Variants in MGAT5 observed in about 807,000 individuals in gnomAD.
MGAT5 encodes the protein alpha-1,6-mannosylglycoprotein 6-beta-N-acetylglucosaminyltransferase A.
A neutral mutation model predicts 94.3 loss-of-function variants in MGAT5; 30 were observed. The ratio of observed to expected loss-of-function variants is 0.32; its 90% CI spans 0.24 to 0.43. MGAT5 has a LOEUF of 0.43. Ranked by LOEUF, MGAT5 falls within the 20% of genes least tolerant of loss-of-function variation. MGAT5 has a pLI of 1.00. For missense variants in MGAT5, 691 were observed against 905.5 expected (o/e 0.76, Z 3.04); for synonymous variants, 310 against 322.9 (o/e 0.96, Z 0.43).
chr2:134,375,974 A>G (rs1308291337), intron 10 of MGAT5, among the ~76,000 whole-genome samples: 1 of 152,192 alleles, frequency 6.6e-6, no homozygotes, highest in African/African-American at 2.4e-5. Flanking sequence ...GGTTGTCCCC[A>G]GGCACTCCAG....
At chr2:134,149,624 A>T (rs575422073) in intron 1 of MGAT5, among the ~76,000 whole-genome samples, 1 of 152,396 alleles carries the variant, frequency 6.6e-6, no homozygotes, top group East Asian at 1.9e-4. Flanking sequence ...CCACATGCTT[A>T]TAGACCCACA....
chr2:134,255,203 T>C (rs1028277050), intron 1 of MGAT5, among the ~76,000 whole-genome samples: 2 of 152,296 alleles, frequency 1.3e-5, no homozygotes, highest in African/African-American at 4.8e-5. Flanking sequence ...TGCCCTCACT[T>C]TGAAAGGAAT....
chr2:134,398,943 G>A (rs1229100910), intron 10 of MGAT5, among the ~76,000 whole-genome samples: 1 of 152,182 alleles, frequency 6.6e-6, no homozygotes, highest in African/African-American at 2.4e-5. Flanking sequence ...AGAGTAGTGA[G>A]TTAATGTGCA....
At chr2:134,402,214 A>G (rs182199311) in intron 10 of MGAT5, among the ~76,000 whole-genome samples, 20 of 152,320 alleles carry the variant, frequency 1.3e-4, no homozygotes, top group African/African-American at 4.8e-4. Flanking sequence ...AAAAAAGGTG[A>G]ACTTGCTTCC....
At chr2:134,122,638 C>T (rs189130307) in intron 1 of MGAT5, among the ~76,000 whole-genome samples, 11 of 152,316 alleles carry the variant, frequency 7.2e-5, no homozygotes, top group African/African-American at 2.2e-4. Flanking sequence ...TGGCATTTGC[C>T]TCTGCTGGGG....
chr2:134,332,445 G>C (rs1688034953), intron 4 of MGAT5, among the ~76,000 whole-genome samples: 1 of 152,070 alleles, frequency 6.6e-6, no homozygotes. Context: ...ATTCAAGATG[G>C]ATTAAAGACT....
intron 11 of MGAT5, among the ~76,000 whole-genome samples, chr2:134,404,357 G>A (rs1243927194): frequency 6.6e-6 from 1 of 152,220 alleles, no homozygotes; most frequent in Admixed American, 6.5e-5. Flanking sequence ...TATAAAAAGT[G>A]TATTCACATA....
intron 13 of MGAT5, among the ~76,000 whole-genome samples, chr2:134,424,758 G>A (rs190672774): frequency 2.0e-5 from 3 of 152,284 alleles, no homozygotes; most frequent in Non-Finnish European, 4.4e-5. Context: ...GCCCACCCCC[G>A]AAGTCTCTAG....
At chr2:134,189,611 T>TTTTTTTTTTTGTTTG (rs1558978227) in intron 1 of MGAT5, among the ~76,000 whole-genome samples, 11 of 135,390 alleles carry the variant, frequency 8.1e-5, no homozygotes, top group Non-Finnish European at 1.7e-4. Flanking sequence ...TGTTTTTTTT[T>TTTTTTTTTTTGTTTG]TTTTTTTTTA....
At chr2:134,427,297 C>CATA (rs1347675025) in intron 13 of MGAT5, among the ~76,000 whole-genome samples, 1 of 152,168 alleles carries the variant, frequency 6.6e-6, no homozygotes, top group Non-Finnish European at 1.5e-5. Flanking sequence ...CAATAATAGA[C>CATA]TATATTGCTG....
intron 1 of MGAT5, among the ~76,000 whole-genome samples, chr2:134,229,982 C>T (rs996118120): frequency 6.6e-6 from 1 of 152,192 alleles, no homozygotes; most frequent in Non-Finnish European, 1.5e-5. Context: ...TAGCACTTTA[C>T]ATCTGTTAGG....
chr2:134,151,812 T>TG, intron 1 of MGAT5, among the ~76,000 whole-genome samples: 1 of 109,844 alleles, frequency 9.1e-6, no homozygotes, highest in Middle Eastern at 6.8e-3. Flanking sequence ...TATGGGAGCC[T>TG]CCCACTGCCA....
At chr2:134,295,541 G>A (rs1685620794) in intron 2 of MGAT5, among the ~76,000 whole-genome samples, 1 of 152,180 alleles carries the variant, frequency 6.6e-6, no homozygotes, top group South Asian at 2.1e-4. Context: ...TTAGTAGGGA[G>A]TTTTGTTGTC....
At chr2:134,281,258 G>A (rs1019101501) in intron 2 of MGAT5, among the ~76,000 whole-genome samples, 10 of 152,130 alleles carry the variant, frequency 6.6e-5, no homozygotes, top group African/African-American at 1.2e-4. Flanking sequence ...GATTAATACC[G>A]TGTTACAAAG....
At chr2:134,316,099 C>A (rs1686981970) in intron 2 of MGAT5, among the ~76,000 whole-genome samples, 1 of 152,116 alleles carries the variant, frequency 6.6e-6, no homozygotes, top group South Asian at 2.1e-4. Context: ...CCAGACATTT[C>A]TGGAAAATAT....
At chr2:134,318,217 G>A (rs376491785) in intron 3 of MGAT5, among the ~76,000 whole-genome samples, 2 of 152,146 alleles carry the variant, frequency 1.3e-5, no homozygotes, top group East Asian at 3.9e-4. Context: ...TGGTATCCAT[G>A]TGGGCCGTCC....
intron 12 of MGAT5, among the ~76,000 whole-genome samples, chr2:134,416,599 G>C (rs1429522104): frequency 6.6e-6 from 1 of 151,400 alleles, no homozygotes; most frequent in African/African-American, 2.4e-5. Context: ...AGCCTCCTGA[G>C]TAGCTGGGAC....
chr2:134,245,129 C>T (rs1682173478), intron 1 of MGAT5, among the ~76,000 whole-genome samples: 1 of 152,204 alleles, frequency 6.6e-6, no homozygotes, highest in South Asian at 2.1e-4. Context: ...TCTCCTGCCT[C>T]AGCCTCCCGA....
At chr2:134,443,186 TG>T (rs869301187) in intron 15 of MGAT5, among the ~76,000 whole-genome samples, 79 of 14,926 alleles carry the variant, frequency 5.3e-3, no homozygotes, top group East Asian at 0.017. Flanking sequence ...TGTTTTTTTT[TG>T]TTGTTGTTGT....
Sources: allele counts gnomAD v4.1 joint callset (sites outside exome capture counted in the v4.1 genomes callset), GRCh38; gene constraint gnomAD v4.1.1; transcripts MANE v1.5; gene names NCBI Gene and HGNC (gene_info 2026-07-23, HGNC 2026-07-21).